Variants in CDH23 observed in about 807,000 individuals in gnomAD.
The protein encoded by CDH23 is cadherin-23.
Under a neutral mutation model 317.1 loss-of-function variants are expected in CDH23, and 189 were observed. The observed-to-expected ratio is 0.60, with a 90% confidence interval of 0.53 to 0.67. The LOEUF is 0.67. CDH23 is among the 30% of genes least tolerant of loss of function. The pLI, the probability that CDH23 is intolerant of heterozygous loss-of-function variation, is 0.00. For synonymous variants in CDH23, 1,839 were observed against 1,876.8 expected (o/e 0.98, Z 0.52); for missense variants, 4,401 against 4,592.4 (o/e 0.96, Z 1.20).
At chr10:71,398,128 G>A (rs2023909994) in intron 1 of CDH23, among the ~76,000 whole-genome samples, 1 of 152,188 alleles carries the variant, frequency 6.6e-6, no homozygotes, top group Non-Finnish European at 1.5e-5. Flanking sequence ...GGCTTTCTCG[G>A]AGCGGGCACC....
chr10:71,716,522 A>G lies in CDH23; in HGVS notation c.3369+3709A>G, dbSNP rs970194190. 3 of 542,878 alleles carry G rather than the reference A, an allele frequency of 5.5e-6. No individual in the cohort carries two copies. In the East Asian group the frequency reaches 9.7e-5, roughly 18 times the overall value. The allele number at this position is 542,878 out of a possible 1,614,324, so 33.6% of individuals were successfully genotyped here. On this transcript the variant is annotated intron_variant, in intron 28 of 69. Transcript: ENST00000224721. ...AGAGACATCACAAGTCTAAGTGTAC[A>G]CACAGCTGAGCAGTGATGGAGCTGG...
intron 9 of CDH23, among the ~76,000 whole-genome samples, chr10:71,611,731 T>C (rs952116713): frequency 3.9e-5 from 6 of 152,170 alleles, no homozygotes; most frequent in African/African-American, 1.2e-4. Flanking sequence ...ATCTTAACCA[T>C]TTCTTTTCCG....
At chr10:71,813,839 C>A (rs1011236458) in intron 69 of CDH23, among the ~76,000 whole-genome samples, 1 of 152,050 alleles carries the variant, frequency 6.6e-6, no homozygotes, top group Non-Finnish European at 1.5e-5. Context: ...ACCCAGGAGG[C>A]GGAGGTTGAA....
chr10:71,422,031 A>T (rs1293223345), intron 1 of CDH23, among the ~76,000 whole-genome samples: 1 of 152,222 alleles, frequency 6.6e-6, no homozygotes, highest in African/African-American at 2.4e-5. Flanking sequence ...TTTGGGTTGA[A>T]GGTCTATGAG....
At chr10:71,510,279 C>A in intron 4 of CDH23, 55 bp downstream of exon 4, 3 of 1,584,364 alleles carry the variant, frequency 1.9e-6, no homozygotes, top group East Asian at 2.2e-5. Flanking sequence ...GGAGGAGACA[C>A]TGGGGGAAGG....
At chr10:71,529,190 C>T (rs1010474203) in intron 6 of CDH23, among the ~76,000 whole-genome samples, 3 of 152,228 alleles carry the variant, frequency 2.0e-5, no homozygotes, top group African/African-American at 7.2e-5. Flanking sequence ...ACTAAGCTCC[C>T]AGGCGATGCC....
intron 38 of CDH23, among the ~76,000 whole-genome samples, chr10:71,767,269 G>A (rs1840571683): frequency 6.6e-6 from 1 of 152,206 alleles, no homozygotes; most frequent in South Asian, 2.1e-4. Flanking sequence ...GGTGTGGACA[G>A]GCCTGTGTAT....
chr10:71,689,809 A>T (rs916646333), intron 19 of CDH23, among the ~76,000 whole-genome samples: 7 of 152,298 alleles, frequency 4.6e-5, no homozygotes, highest in Admixed American at 4.6e-4. Context: ...GGGTGTGAAG[A>T]TTCCAGGAAC....
intron 69 of CDH23, among the ~76,000 whole-genome samples, chr10:71,814,262 A>G (rs1448977200): frequency 6.6e-6 from 1 of 152,234 alleles, no homozygotes; most frequent in Non-Finnish European, 1.5e-5. Flanking sequence ...AAAATTAAAG[A>G]TTCTCAGCCA....
chr10:71,800,688 T>A lies in CDH23; in HGVS notation c.7415T>A (p.Ile2472Asn). Residue 2472 changes from isoleucine to asparagine, a missense_variant, in exon 53 of 70, where the codon ATC becomes AAC. By Grantham distance (149) the Ile-to-Asn change is moderately radical (BLOSUM62 -3). Around this residue, in one of 3 missense-constraint regions of CDH23, gnomAD observed 189 missense variants for 250.9 expected, o/e 0.75. Coordinates refer to ENST00000224721, the MANE Select transcript of CDH23 (RefSeq NM_022124.6). ...GACCGGGAGAAGAAGGACCACTATATCCTGACTGCCTTGGCCAAAGACAAC... is the reference window on the plus strand; with the variant it reads ...GACCGGGAGAAGAAGGACCACTATAACCTGACTGCCTTGGCCAAAGACAAC... ...SLDREKKDHY[I>N]LTALAKDNPG... 1.2e-6 allele frequency: 2 copies of A among 1,614,016 alleles called. No homozygotes were observed. Among genetic ancestry groups the A allele is most frequent in the South Asian group, 2.2e-5 (2 of 91,082 alleles).
intron 9 of CDH23, among the ~76,000 whole-genome samples, chr10:71,579,555 C>A (rs1171243798): frequency 1.3e-5 from 2 of 152,152 alleles, no homozygotes; most frequent in Non-Finnish European, 2.9e-5. Flanking sequence ...GTCCTTGGGC[C>A]CCATGGAGAT....
intron 3 of CDH23, among the ~76,000 whole-genome samples, chr10:71,503,513 C>T (rs1331405125): frequency 6.6e-6 from 1 of 152,172 alleles, no homozygotes; most frequent in Non-Finnish European, 1.5e-5. Flanking sequence ...CATTTATTTA[C>T]CCAATGACTA....
Position 71,709,222 on chromosome 10 carries a change from G to T in CDH23, c.3220+11G>T, listed in dbSNP as rs1246987302. 6.2e-7 allele frequency: 1 copy of T among 1,606,550 alleles called. No homozygotes were observed. Among genetic ancestry groups the T allele is most frequent in the Non-Finnish European group, 8.5e-7 (1 of 1,173,518 alleles). ...TCCTGGAGGCCATCGGTATGCACCA[G>T]TCCCGCACCCACCAACACAGTGATC... is the stretch of plus-strand genomic sequence containing the variant. On this transcript the variant is annotated intron_variant, in intron 27 of 69. Coordinates refer to ENST00000224721, the MANE Select transcript of CDH23 (RefSeq NM_022124.6).
chr10:71,488,249 T>C (rs1252513451), intron 3 of CDH23, among the ~76,000 whole-genome samples: 2 of 152,302 alleles, frequency 1.3e-5, no homozygotes, highest in East Asian at 1.9e-4. Context: ...AGGCATTTAC[T>C]AAGAGAAAGG....
At chr10:71,643,980 C>G (rs1862702014) in intron 12 of CDH23, 114 bp downstream of exon 12, 2 of 706,380 alleles carry the variant, frequency 2.8e-6, no homozygotes, top group Non-Finnish European at 5.2e-6. Flanking sequence ...TCTCAGGCCC[C>G]CAGCTCCTGT....
At chr10:71,799,401 G>T in intron 51 of CDH23, 91 bp from the exon 52 acceptor site, 1 of 1,603,478 alleles carries the variant, frequency 6.2e-7, no homozygotes, top group Non-Finnish European at 8.5e-7. Context: ...CCCACGAGCA[G>T]CTTGATGCCT....
chr10:71,692,876 T>C (rs369870910), intron 20 of CDH23, among the ~76,000 whole-genome samples: 5 of 152,194 alleles, frequency 3.3e-5, no homozygotes, highest in East Asian at 1.9e-4. Context: ...TCACGGTCCA[T>C]TGGAAGAAAA....
intron 50 of CDH23, 60 bp from the exon 51 acceptor site, chr10:71,799,051 T>C (rs1841484501): frequency 2.0e-6 from 3 of 1,510,954 alleles, no homozygotes; most frequent in Non-Finnish European, 2.7e-6. Flanking sequence ...TCCTCATACT[T>C]TGGAGAGCTG....
chr10:71,479,962 A>G (rs896588010), intron 3 of CDH23, among the ~76,000 whole-genome samples: 2 of 152,062 alleles, frequency 1.3e-5, no homozygotes, highest in Admixed American at 6.5e-5. Flanking sequence ...AAATTGGGTG[A>G]CTCTCTGGAT....
Sources: gnomAD v4.1 joint callset for allele counts (sites outside exome capture counted in the v4.1 genomes callset) on GRCh38, gnomAD v4.1.1 for gene constraint, gnomAD v4.1.1 regional missense constraint, MANE v1.5 for transcripts, NCBI Gene and HGNC (gene_info 2026-07-23, HGNC 2026-07-21) for gene names.